The following SYN3 variants were observed in gnomAD, a reference collection of about 807,000 sequenced individuals.
SYN3 encodes the protein synapsin-3.
SYN3 carries 35 observed loss-of-function variants against 65.8 expected under a neutral mutation model. That is an observed-to-expected ratio of 0.53 (90% confidence interval 0.41 to 0.70). The LOEUF (loss-of-function observed/expected upper bound fraction) is 0.70. Among genes scored for constraint, SYN3 ranks in the 30% least tolerant of loss-of-function variants. SYN3 has a pLI of 0.00. For synonymous variants in SYN3, 270 were observed against 292.9 expected (o/e 0.92, Z 0.80); for missense variants, 680 against 749.0 (o/e 0.91, Z 1.08).
intron 6 of SYN3, among the ~76,000 whole-genome samples, chr22:32,613,668 CA>C (rs1384289932): frequency 6.6e-6 from 1 of 152,238 alleles, no homozygotes; most frequent in Non-Finnish European, 1.5e-5. Context: ...TGTAGGCACA[CA>C]GATTGCCGAG....
At chr22:32,572,771 C>T (rs528600482) in intron 7 of SYN3, among the ~76,000 whole-genome samples, 1 of 152,078 alleles carries the variant, frequency 6.6e-6, no homozygotes, top group South Asian at 2.1e-4. Flanking sequence ...TGACAATACA[C>T]CAGCCCCAGG....
rs529865273 is a variant in SYN3, at chr22:32,906,703, T to G, written c.461+24687A>C. 5.9e-5 allele frequency among the ~76,000 whole-genome samples: 9 copies of G among 151,482 alleles called. No individual in the cohort carries two copies. The East Asian group carries it at 1.8e-3, about 30-fold the overall frequency. ...CCCGGGTGTGTGATGTTCCCCTCCCTGTGTCCATGTGTTCCCATTGTTCAA... is the reference window on the plus strand; with the variant it reads ...CCCGGGTGTGTGATGTTCCCCTCCCGGTGTCCATGTGTTCCCATTGTTCAA... On this transcript the variant is annotated intron_variant, in intron 4 of 13. Coordinates refer to ENST00000358763, the MANE Select transcript of SYN3 (RefSeq NM_003490.4).
At chr22:32,849,393 C>G in intron 6 of SYN3, 1 of 1,501,822 alleles carries the variant, frequency 6.7e-7, no homozygotes, top group Non-Finnish European at 9.2e-7. Flanking sequence ...CCCTGAGATG[C>G]TGTTCCTGAT....
intron 6 of SYN3, among the ~76,000 whole-genome samples, chr22:32,620,778 G>C (rs2059582670): frequency 6.6e-6 from 1 of 151,988 alleles, no homozygotes; most frequent in African/African-American, 2.4e-5. Flanking sequence ...GGAGTGCAAT[G>C]GCACTATCTC....
chr22:32,991,209 G>T (rs557538173), intron 2 of SYN3, among the ~76,000 whole-genome samples: 2 of 150,540 alleles, frequency 1.3e-5, no homozygotes, highest in South Asian at 2.1e-4. Flanking sequence ...AAATTAGCCG[G>T]GCATGGTGGT....
chr22:33,046,575 T>C (rs2054068540), intron 1 of SYN3, among the ~76,000 whole-genome samples: 1 of 149,936 alleles, frequency 6.7e-6, no homozygotes, highest in South Asian at 2.2e-4. Flanking sequence ...AAAAATTAGC[T>C]GGGCGAGGTG....
intron 3 of SYN3, among the ~76,000 whole-genome samples, chr22:32,976,998 G>C (rs1013658501): frequency 1.5e-4 from 23 of 151,102 alleles, no homozygotes; most frequent in Non-Finnish European, 2.1e-4. Flanking sequence ...GATTCCTGGG[G>C]GGGGGGTTGC....
At chr22:32,892,003 A>G (rs1168208565) in intron 4 of SYN3, among the ~76,000 whole-genome samples, 2 of 151,346 alleles carry the variant, frequency 1.3e-5, no homozygotes, top group African/African-American at 4.9e-5. Context: ...TAATAATAAT[A>G]ATAAAAAGCT....
chr22:32,520,790 C>T (rs1791666433), intron 12 of SYN3, among the ~76,000 whole-genome samples: 1 of 151,964 alleles, frequency 6.6e-6, no homozygotes, highest in Admixed American at 6.6e-5. Flanking sequence ...GTCTGGTGGC[C>T]CTGACTCCAC....
chr22:33,007,900 G>A (rs888489717), intron 1 of SYN3, among the ~76,000 whole-genome samples: 2 of 151,958 alleles, frequency 1.3e-5, no homozygotes, highest in Non-Finnish European at 2.9e-5. Context: ...TTAAACCATG[G>A]AATTAGATTT....
At chr22:32,713,662 C>G (rs891270142) in intron 6 of SYN3, among the ~76,000 whole-genome samples, 5 of 152,154 alleles carry the variant, frequency 3.3e-5, no homozygotes, top group Non-Finnish European at 7.4e-5. Flanking sequence ...AACCCCGTCT[C>G]TACTAAAAAT....
At chr22:32,515,110 C>T (rs947732212) in intron 13 of SYN3, among the ~76,000 whole-genome samples, 5 of 152,284 alleles carry the variant, frequency 3.3e-5, no homozygotes, top group Admixed American at 1.3e-4. Context: ...TAGAACAAGG[C>T]ACAGAGTAGG....
At chr22:32,737,373 A>T (rs2061348434) in intron 6 of SYN3, among the ~76,000 whole-genome samples, 1 of 151,926 alleles carries the variant, frequency 6.6e-6, no homozygotes, top group Non-Finnish European at 1.5e-5. Context: ...CGTGCAGGTT[A>T]GTTACATATG....
chr22:32,802,237 G>T (rs1432243188), intron 6 of SYN3: 1 of 1,424,044 alleles, frequency 7.0e-7, no homozygotes, highest in Non-Finnish European at 9.3e-7. Flanking sequence ...GGGGCAGACG[G>T]GGTTGGGGCG....
At chr22:33,020,727 C>G (rs1443792724) in intron 1 of SYN3, among the ~76,000 whole-genome samples, 1 of 152,134 alleles carries the variant, frequency 6.6e-6, no homozygotes, top group African/African-American at 2.4e-5. Context: ...CCTCCCAAAC[C>G]CAGGCTAAGG....
At chr22:32,744,451 G>A (rs990453388) in intron 6 of SYN3, among the ~76,000 whole-genome samples, 1 of 152,172 alleles carries the variant, frequency 6.6e-6, no homozygotes, top group Non-Finnish European at 1.5e-5. Context: ...TGGGTATCGA[G>A]TGAGCTAACA....
At chr22:32,547,281 G>T (rs1156951964) in intron 7 of SYN3, among the ~76,000 whole-genome samples, 1 of 151,922 alleles carries the variant, frequency 6.6e-6, no homozygotes. Flanking sequence ...CACCATGCCC[G>T]GCCACTCTTC....
intron 7 of SYN3, among the ~76,000 whole-genome samples, chr22:32,543,211 G>T (rs889291680): frequency 6.6e-6 from 1 of 152,132 alleles, no homozygotes; most frequent in Non-Finnish European, 1.5e-5. Context: ...ACAGCTCTCC[G>T]TGGGGCCCAA....
At chr22:33,014,684 G>C (rs994675003) in intron 1 of SYN3, among the ~76,000 whole-genome samples, 1 of 152,194 alleles carries the variant, frequency 6.6e-6, no homozygotes, top group African/African-American at 2.4e-5. Context: ...GGGGGCTGAG[G>C]CAGGAGAATC....
Sources: allele counts gnomAD v4.1 joint callset (sites outside exome capture counted in the v4.1 genomes callset), GRCh38; gene constraint gnomAD v4.1.1; transcripts MANE v1.5; gene names NCBI Gene and HGNC (gene_info 2026-07-23, HGNC 2026-07-21).